The following EBF2 variants were observed in gnomAD, a reference collection of about 807,000 sequenced individuals.
EBF2 encodes the protein transcription factor COE2.
In EBF2, 21 loss-of-function variants were observed where a neutral mutation model predicts 72.8. The observed-to-expected ratio is 0.29, with a 90% CI of 0.20 to 0.42. The LOEUF is 0.42. Ranked by LOEUF, EBF2 falls within the 10% of genes least tolerant of loss-of-function variation. EBF2 has a pLI of 1.00. For synonymous variants in EBF2, 299 were observed against 274.2 expected (o/e 1.09, Z -0.89); for missense variants, 637 against 731.2 (o/e 0.87, Z 1.49).
chr8:25,867,326 C>T (rs1802350209), intron 10 of EBF2, among the ~76,000 whole-genome samples: 1 of 152,206 alleles, frequency 6.6e-6, no homozygotes, highest in Non-Finnish European at 1.5e-5. Flanking sequence ...TTGCTAAACA[C>T]TTGAAAGAAC....
At chr8:25,901,357 G>T (rs1802949121) in intron 7 of EBF2, among the ~76,000 whole-genome samples, 1 of 150,560 alleles carries the variant, frequency 6.6e-6, no homozygotes, top group African/African-American at 2.4e-5. Context: ...GAGAGGCAGA[G>T]GTTGCAGTGA....
intron 6 of EBF2, among the ~76,000 whole-genome samples, chr8:25,910,144 G>T (rs922010785): frequency 6.6e-6 from 1 of 152,198 alleles, no homozygotes; most frequent in Admixed American, 6.5e-5. Context: ...CTCTGCCCGG[G>T]TCGTCAGAGT....
intron 6 of EBF2, among the ~76,000 whole-genome samples, chr8:25,967,466 A>T (rs1259075046): frequency 6.6e-6 from 1 of 152,248 alleles, no homozygotes; most frequent in Non-Finnish European, 1.5e-5. Flanking sequence ...TGTACAGAAC[A>T]CTTACATTAG....
chr8:25,900,489 T>C (rs1802934193), intron 7 of EBF2, among the ~76,000 whole-genome samples: 1 of 152,104 alleles, frequency 6.6e-6, no homozygotes, highest in Non-Finnish European at 1.5e-5. Flanking sequence ...AATATATCTG[T>C]CTTTCCATAT....
intron 6 of EBF2, among the ~76,000 whole-genome samples, chr8:25,990,136 T>TA (rs1243323614): frequency 6.6e-6 from 1 of 151,804 alleles, no homozygotes; most frequent in South Asian, 2.1e-4. Context: ...TCATGTTACA[T>TA]AAAAAAATGT....
chr8:25,859,281 T>G (rs1056301886), intron 13 of EBF2, among the ~76,000 whole-genome samples: 12 of 152,242 alleles, frequency 7.9e-5, no homozygotes, highest in African/African-American at 2.9e-4. Context: ...GTTTGCCAAA[T>G]TTAACATGCC....
intron 5 of EBF2, among the ~76,000 whole-genome samples, chr8:26,034,240 A>G (rs189202007): frequency 2.0e-5 from 3 of 152,342 alleles, no homozygotes; most frequent in East Asian, 3.9e-4. Flanking sequence ...TATGGTATAC[A>G]TTTTAAAATA....
intron 6 of EBF2, among the ~76,000 whole-genome samples, chr8:26,017,522 A>G (rs1215883764): frequency 6.6e-6 from 1 of 152,148 alleles, no homozygotes; most frequent in Non-Finnish European, 1.5e-5. Flanking sequence ...CCATGCTGAC[A>G]GTTGGGTCTG....
chr8:25,891,385 A>T (rs927759567), intron 7 of EBF2, among the ~76,000 whole-genome samples: 4 of 152,104 alleles, frequency 2.6e-5, no homozygotes, highest in African/African-American at 7.2e-5. Context: ...ATTGAGAAAA[A>T]AAAAGAACTT....
chr8:25,908,608 G>T (rs1803077834), intron 6 of EBF2, 53 bp from the exon 7 acceptor site: 1 of 1,159,846 alleles, frequency 8.6e-7, no homozygotes, highest in Non-Finnish European at 1.3e-6. Context: ...TTTAAAGGGA[G>T]AATATAGCTG....
intron 6 of EBF2, among the ~76,000 whole-genome samples, chr8:25,921,521 A>G (rs1264802613): frequency 6.6e-6 from 1 of 152,228 alleles, no homozygotes; most frequent in Admixed American, 6.5e-5. Flanking sequence ...ATCAGGAATC[A>G]GTTATTTGTT....
intron 14 of EBF2, among the ~76,000 whole-genome samples, chr8:25,852,182 A>T (rs1378882128): frequency 1.3e-5 from 2 of 152,224 alleles, no homozygotes; most frequent in Non-Finnish European, 2.9e-5. Flanking sequence ...TTGAATATGT[A>T]AATGAATAAA....
At chr8:25,952,517 C>A (rs1192156270) in intron 6 of EBF2, among the ~76,000 whole-genome samples, 2 of 152,278 alleles carry the variant, frequency 1.3e-5, no homozygotes, top group African/African-American at 4.8e-5. Context: ...ACCCTGTCTA[C>A]ATGGGGATTT....
At chr8:25,891,149 A>T (rs751938066) in intron 7 of EBF2, among the ~76,000 whole-genome samples, 1 of 152,210 alleles carries the variant, frequency 6.6e-6, no homozygotes, top group Non-Finnish European at 1.5e-5. Context: ...TTAACACAGG[A>T]AACAAGTAGC....
At chr8:26,017,369 A>G (rs1045984615) in intron 6 of EBF2, among the ~76,000 whole-genome samples, 2 of 152,102 alleles carry the variant, frequency 1.3e-5, no homozygotes, top group Non-Finnish European at 2.9e-5. Flanking sequence ...GATTTAAGTG[A>G]GATGCCACAA....
At chr8:25,918,931 T>C (rs1803267001) in intron 6 of EBF2, among the ~76,000 whole-genome samples, 1 of 152,192 alleles carries the variant, frequency 6.6e-6, no homozygotes, top group Non-Finnish European at 1.5e-5. Flanking sequence ...CACTCCACTG[T>C]ATATCAAAAC....
At chr8:25,904,809 C>A (rs189877797) in intron 7 of EBF2, among the ~76,000 whole-genome samples, 2 of 152,140 alleles carry the variant, frequency 1.3e-5, no homozygotes, top group African/African-American at 4.8e-5. Context: ...TATGAGAGAG[C>A]TTTCATTGAA....
chr8:26,005,559 T>TAGAGAGAGAGAGAGAGAG (rs1362114716), intron 6 of EBF2, among the ~76,000 whole-genome samples: 20 of 55,578 alleles, frequency 3.6e-4, no homozygotes, highest in South Asian at 3.4e-3. Flanking sequence ...TATATATATA[T>TAGAGAGAGAGAGAGAGAG]ATAGAGAGAG....
chr8:26,023,237 G>A (rs1283445426), intron 6 of EBF2, among the ~76,000 whole-genome samples: 1 of 152,140 alleles, frequency 6.6e-6, no homozygotes, highest in South Asian at 2.1e-4. Flanking sequence ...CAGGCTCCAC[G>A]ACCTTTGTTC....
Sources: gnomAD v4.1 joint callset for allele counts (sites outside exome capture counted in the v4.1 genomes callset) on GRCh38, gnomAD v4.1.1 for gene constraint, MANE v1.5 for transcripts, NCBI Gene and HGNC (gene_info 2026-07-23, HGNC 2026-07-21) for gene names.